Variants in CMIP observed in about 807,000 individuals in gnomAD.
CMIP encodes c-Maf inducing protein.
In CMIP, 13 loss-of-function variants were observed where a neutral mutation model predicts 97.3. The observed-to-expected ratio is 0.13, with a 90% confidence interval of 0.09 to 0.21. The LOEUF (loss-of-function observed/expected upper bound fraction) is 0.21, where lower values mean the gene tolerates loss of function less well. CMIP is among the 10% of genes least tolerant of loss of function. CMIP has a pLI of 1.00. For missense variants in CMIP, 847 were observed against 1,024.9 expected (o/e 0.83, Z 2.37); for synonymous variants, 538 against 436.3 (o/e 1.23, Z -2.91).
At chr16:81,482,423 G>A (rs186990456) in intron 1 of CMIP, among the ~76,000 whole-genome samples, 1 of 152,216 alleles carries the variant, frequency 6.6e-6, no homozygotes, top group Non-Finnish European at 1.5e-5. Context: ...TGGCTTTGGA[G>A]GGGTGCTGGG....
At chr16:81,589,546 A>G (rs1197985756) in intron 1 of CMIP, among the ~76,000 whole-genome samples, 1 of 146,622 alleles carries the variant, frequency 6.8e-6, no homozygotes, top group Non-Finnish European at 1.5e-5. Flanking sequence ...CTCGCACCCC[A>G]TGGCAGCCAG....
intron 1 of CMIP, among the ~76,000 whole-genome samples, chr16:81,458,530 T>C (rs2150735767): frequency 6.6e-6 from 1 of 152,260 alleles, no homozygotes; most frequent in African/African-American, 2.4e-5. Context: ...GGGCCCTCCC[T>C]GCTCAGCCAT....
At chr16:81,525,304 T>C (rs1366805193) in intron 1 of CMIP, among the ~76,000 whole-genome samples, 1 of 151,640 alleles carries the variant, frequency 6.6e-6, no homozygotes, top group Non-Finnish European at 1.5e-5. Context: ...CCATTATGCC[T>C]GGCTAATTTT....
In CMIP at chr16:81,698,949, A is replaced by AT. The variant is rs541720208; in HGVS notation, c.1639-734dup. Among the ~76,000 whole-genome samples, 6 of 152,320 alleles carry AT rather than the reference A, an allele frequency of 3.9e-5. No homozygotes were observed. The East Asian group carries it at 1.2e-3, about 29-fold the overall frequency. On this transcript the variant is annotated intron_variant, in intron 14 of 20. Transcript: ENST00000537098. ...TACATATTTAGAGATTCTATTACAG[A>AT]TTCTTGAAAAAACTAGCAAGGGCCG...
At chr16:81,536,107 C>CTATG (rs1387947235) in intron 1 of CMIP, among the ~76,000 whole-genome samples, 1 of 152,156 alleles carries the variant, frequency 6.6e-6, no homozygotes, top group African/African-American at 2.4e-5. Flanking sequence ...TGCAGAGCAG[C>CTATG]CATAACCAGC....
At chr16:81,562,931 G>A (rs994756481) in intron 1 of CMIP, among the ~76,000 whole-genome samples, 17 of 152,290 alleles carry the variant, frequency 1.1e-4, no homozygotes, top group Middle Eastern at 3.4e-3. Flanking sequence ...GGGATCTGCC[G>A]CGTCCTCGAG....
At chr16:81,593,347 C>G (rs577954710) in intron 1 of CMIP, among the ~76,000 whole-genome samples, 2 of 150,384 alleles carry the variant, frequency 1.3e-5, no homozygotes, top group South Asian at 2.1e-4. Flanking sequence ...TTGAGATTGG[C>G]GAGAGGTGGT....
intron 3 of CMIP, among the ~76,000 whole-genome samples, chr16:81,643,191 T>C (rs2092326552): frequency 6.6e-6 from 1 of 152,270 alleles, no homozygotes; most frequent in East Asian, 1.9e-4. Context: ...GGCATGTGGG[T>C]GAGAACCTTG....
chr16:81,572,063 G>T (rs1243587534), intron 1 of CMIP, among the ~76,000 whole-genome samples: 2 of 152,214 alleles, frequency 1.3e-5, no homozygotes, highest in Admixed American at 1.3e-4. Flanking sequence ...AGCCCAGGGT[G>T]ACTTTGATGT....
chr16:81,638,031 C>A (rs2092258550), intron 3 of CMIP, among the ~76,000 whole-genome samples: 1 of 152,172 alleles, frequency 6.6e-6, no homozygotes, highest in Non-Finnish European at 1.5e-5. Flanking sequence ...CCTAACACCC[C>A]CCCCACTGGG....
At chr16:81,509,049 A>G (rs1172392376) in intron 1 of CMIP, among the ~76,000 whole-genome samples, 1 of 152,212 alleles carries the variant, frequency 6.6e-6, no homozygotes, top group East Asian at 1.9e-4. Context: ...TATGATGGGA[A>G]GGGAATCATT....
intron 1 of CMIP, among the ~76,000 whole-genome samples, chr16:81,560,368 G>A (rs1020184723): frequency 2.0e-5 from 3 of 151,732 alleles, no homozygotes; most frequent in African/African-American, 4.8e-5. Flanking sequence ...ACAGGCTCCC[G>A]CCACTATTCC....
At chr16:81,590,239 C>T (rs1250837665) in intron 1 of CMIP, among the ~76,000 whole-genome samples, 1 of 122,632 alleles carries the variant, frequency 8.2e-6, no homozygotes, top group Admixed American at 8.2e-5. Context: ...CTTTTCCTCC[C>T]TCCCATTCCT....
chr16:81,592,016 G>T (rs2091474009), intron 1 of CMIP, among the ~76,000 whole-genome samples: 1 of 151,500 alleles, frequency 6.6e-6, no homozygotes, highest in South Asian at 2.1e-4. Flanking sequence ...TAGAGACAGG[G>T]TTTTGCTATG....
intron 1 of CMIP, among the ~76,000 whole-genome samples, chr16:81,527,008 T>C (rs1373997310): frequency 6.6e-6 from 1 of 152,246 alleles, no homozygotes; most frequent in African/African-American, 2.4e-5. Flanking sequence ...CTTTGCAGTT[T>C]GGGGCCTGGT....
intron 1 of CMIP, among the ~76,000 whole-genome samples, chr16:81,542,868 C>T (rs368590559): frequency 5.9e-5 from 9 of 152,300 alleles, no homozygotes; most frequent in Middle Eastern, 6.8e-3. Context: ...GAGGAATTTC[C>T]GGGAGGCACA....
intron 1 of CMIP, among the ~76,000 whole-genome samples, chr16:81,565,967 C>T (rs151040342): frequency 1.1e-3 from 174 of 152,270 alleles, no homozygotes; most frequent in Middle Eastern, 3.4e-3. Flanking sequence ...GAGAGTTTCC[C>T]GAACACTCAT....
intron 3 of CMIP, among the ~76,000 whole-genome samples, chr16:81,626,211 G>GCGCGTGAGAA (rs1360746166): frequency 2.0e-5 from 2 of 102,552 alleles, no homozygotes; most frequent in East Asian, 5.7e-4. Flanking sequence ...GAGTGAGTGT[G>GCGCGTGAGAA]TGTGCGCGTG....
intron 19 of CMIP, among the ~76,000 whole-genome samples, chr16:81,706,800 A>G (rs1908198648): frequency 6.6e-6 from 1 of 152,108 alleles, no homozygotes; most frequent in African/African-American, 2.4e-5. Context: ...TGGGAAGAAA[A>G]CGAAGGCTCT....
Sources: gnomAD v4.1 joint callset for allele counts (sites outside exome capture counted in the v4.1 genomes callset) on GRCh38, gnomAD v4.1.1 for gene constraint, MANE v1.5 for transcripts, NCBI Gene and HGNC (gene_info 2026-07-23, HGNC 2026-07-21) for gene names.